LSAMP: variants seen among roughly 807,000 people sequenced by gnomAD.
The protein encoded by LSAMP is limbic system-associated membrane protein.
A neutral mutation model predicts 38.6 loss-of-function variants in LSAMP; 7 were observed. The observed-to-expected ratio is 0.18, with a 90% confidence interval of 0.10 to 0.34. LSAMP has a LOEUF of 0.34. Ranked by LOEUF, LSAMP falls within the 10% of genes least tolerant of loss-of-function variation. LSAMP has a pLI of 1.00. For synonymous variants in LSAMP, 154 were observed against 166.8 expected, an observed-to-expected ratio of 0.92 and a Z score of 0.59; for missense variants, 313 against 420.0, an observed-to-expected ratio of 0.75 and a Z score of 2.23.
At chr3:116,280,901 G>A (rs966662162) in intron 1 of LSAMP, among the ~76,000 whole-genome samples, 1 of 151,764 alleles carries the variant, frequency 6.6e-6, no homozygotes, top group Non-Finnish European at 1.5e-5. Flanking sequence ...CATCTAATGA[G>A]TAAAAGAAAT....
intron 1 of LSAMP, among the ~76,000 whole-genome samples, chr3:116,112,409 CAAAG>C (rs1445195436): frequency 1.3e-5 from 2 of 152,106 alleles, no homozygotes; most frequent in African/African-American, 2.4e-5. Context: ...TTCTAGAACT[CAAAG>C]GAAGGGTGTG....
intron 1 of LSAMP, among the ~76,000 whole-genome samples, chr3:116,316,272 A>G (rs1018157234): frequency 1.4e-4 from 22 of 152,186 alleles, no homozygotes; most frequent in African/African-American, 5.3e-4. Context: ...AGTTATTGGC[A>G]AGTAGGATTT....
At chr3:115,823,329 A>G (rs1350660958) in intron 6 of LSAMP, among the ~76,000 whole-genome samples, 3 of 152,260 alleles carry the variant, frequency 2.0e-5, no homozygotes, top group Non-Finnish European at 4.4e-5. Context: ...GTAGGAGGGC[A>G]GCTCCTGGGC....
chr3:115,871,348 A>C (rs1428878532), intron 3 of LSAMP, among the ~76,000 whole-genome samples: 2 of 152,096 alleles, frequency 1.3e-5, no homozygotes, highest in African/African-American at 4.8e-5. Context: ...AGAGACAGAA[A>C]AAAAAATGGC....
chr3:115,923,747 T>G (rs1474099507), intron 3 of LSAMP, among the ~76,000 whole-genome samples: 1 of 152,186 alleles, frequency 6.6e-6, no homozygotes. Flanking sequence ...CTTCCTTTTT[T>G]GCCCAGTGAA....
At chr3:116,209,061 G>A (rs1042278675) in intron 1 of LSAMP, among the ~76,000 whole-genome samples, 2 of 152,214 alleles carry the variant, frequency 1.3e-5, no homozygotes, top group African/African-American at 4.8e-5. Flanking sequence ...GACTCCTTGG[G>A]GGTAGGACCC....
intron 6 of LSAMP, among the ~76,000 whole-genome samples, chr3:115,827,336 C>CTT (rs10712971): frequency 2.9e-5 from 4 of 136,852 alleles, no homozygotes; most frequent in Non-Finnish European, 3.2e-5. Context: ...TTTTCTACTG[C>CTT]TTTTTTTTTT....
At chr3:115,949,501 A>T (rs1418331679) in intron 3 of LSAMP, among the ~76,000 whole-genome samples, 1 of 147,334 alleles carries the variant, frequency 6.8e-6, no homozygotes, top group African/African-American at 2.4e-5. Context: ...AATTCCTGGA[A>T]ATATACAGCC....
intron 3 of LSAMP, among the ~76,000 whole-genome samples, chr3:115,997,906 T>C (rs1425976000): frequency 6.8e-6 from 1 of 146,790 alleles, no homozygotes; most frequent in African/African-American, 2.5e-5. Context: ...ATATATAAAA[T>C]ACATATATAC....
chr3:116,126,098 T>G (rs1352664668), intron 1 of LSAMP, among the ~76,000 whole-genome samples: 1 of 152,230 alleles, frequency 6.6e-6, no homozygotes, highest in Non-Finnish European at 1.5e-5. Flanking sequence ...TTTTGGACTT[T>G]AAATATGTTG....
At chr3:116,043,817 C>T (rs1472827981) in intron 2 of LSAMP, among the ~76,000 whole-genome samples, 3 of 152,088 alleles carry the variant, frequency 2.0e-5, no homozygotes, top group African/African-American at 7.2e-5. Context: ...TGGTGGCAGG[C>T]GCCTTGTAGT....
intron 1 of LSAMP, among the ~76,000 whole-genome samples, chr3:116,246,602 C>T (rs376106364): frequency 3.0e-4 from 46 of 152,260 alleles, no homozygotes; most frequent in African/African-American, 1.0e-3. Context: ...GCTCCTGTAG[C>T]GATGCCATCC....
At chr3:116,417,963 A>G (rs1056761116) in intron 1 of LSAMP, among the ~76,000 whole-genome samples, 1 of 152,210 alleles carries the variant, frequency 6.6e-6, no homozygotes, top group Non-Finnish European at 1.5e-5. Flanking sequence ...GAGAGATAGA[A>G]GTTTGAGACT....
intron 1 of LSAMP, among the ~76,000 whole-genome samples, chr3:116,390,382 A>G (rs923811117): frequency 2.0e-5 from 3 of 152,168 alleles, no homozygotes; most frequent in African/African-American, 7.2e-5. Flanking sequence ...TAGAAGGTAA[A>G]GCTTGAGCGG....
intron 3 of LSAMP, among the ~76,000 whole-genome samples, chr3:115,915,639 T>TC (rs1032835293): frequency 1.2e-4 from 18 of 151,906 alleles, no homozygotes; most frequent in African/African-American, 4.1e-4. Context: ...ATTAGGAATA[T>TC]CCTTTTTTTT....
At chr3:115,988,579 G>A (rs1369171164) in intron 3 of LSAMP, among the ~76,000 whole-genome samples, 1 of 152,060 alleles carries the variant, frequency 6.6e-6, no homozygotes, top group Non-Finnish European at 1.5e-5. Context: ...TGGGATTACA[G>A]GTACACACCA....
chr3:116,088,606 G>A (rs1216579708), intron 1 of LSAMP, among the ~76,000 whole-genome samples: 1 of 152,078 alleles, frequency 6.6e-6, no homozygotes, highest in Admixed American at 6.6e-5. Context: ...TAGTAAGAAG[G>A]ATAGAAATTT....
At chr3:115,974,108 G>C (rs1284842735) in intron 3 of LSAMP, among the ~76,000 whole-genome samples, 2 of 152,108 alleles carry the variant, frequency 1.3e-5, no homozygotes, top group African/African-American at 4.8e-5. Flanking sequence ...ACTTTGGAAG[G>C]CTGAGGCTGG....
In LSAMP at chr3:116,183,787, T is replaced by C. The variant is rs555332517; in HGVS notation, c.156-97231A>G. 2.0e-5 allele frequency among the ~76,000 whole-genome samples: 3 copies of C among 151,758 alleles called. No homozygotes were observed. In the East Asian group the frequency reaches 5.8e-4, roughly 29 times the overall value. ...TTACATTTAAAAGCATCCCTGATAATAAAAATAGCAAGAAGAAAAATAAAG... is the reference window on the plus strand; with the variant it reads ...TTACATTTAAAAGCATCCCTGATAACAAAAATAGCAAGAAGAAAAATAAAG... On this transcript the variant is annotated intron_variant, in intron 1 of 6. Coordinates refer to ENST00000490035, the MANE Select transcript of LSAMP (RefSeq NM_002338.5).
Sources: allele counts gnomAD v4.1 joint callset (sites outside exome capture counted in the v4.1 genomes callset), GRCh38; gene constraint gnomAD v4.1.1; transcripts MANE v1.5; gene names NCBI Gene and HGNC (gene_info 2026-07-23, HGNC 2026-07-21).